LRMDA: variants seen among roughly 807,000 people sequenced by gnomAD.
LRMDA encodes leucine rich melanocyte differentiation associated.
A neutral mutation model predicts 29.8 loss-of-function variants in LRMDA; 18 were observed. That is an observed-to-expected ratio of 0.60 (90% CI 0.42 to 0.90). The LOEUF (loss-of-function observed/expected upper bound fraction) is 0.90. Among genes scored for constraint, LRMDA ranks in the 40% least tolerant of loss-of-function variants. The pLI, the probability that LRMDA is intolerant of heterozygous loss-of-function variation, is 0.00. For missense variants in LRMDA, 273 were observed against 273.9 expected, an observed-to-expected ratio of 1.00 and a Z score of 0.02; for synonymous variants, 125 against 109.4, an observed-to-expected ratio of 1.14 and a Z score of -0.89.
intron 6 of LRMDA, among the ~76,000 whole-genome samples, chr10:76,404,046 A>C (rs977555518): frequency 6.6e-6 from 1 of 152,072 alleles, no homozygotes; most frequent in Non-Finnish European, 1.5e-5. Context: ...CCCTTCACCC[A>C]ATTGCCCATG....
chr10:76,049,870 G>A (rs186778300), intron 4 of LRMDA, among the ~76,000 whole-genome samples: 150 of 152,138 alleles, frequency 9.9e-4, no homozygotes, highest in Non-Finnish European at 9.9e-4. Flanking sequence ...TTTATGTGAC[G>A]TTTTCACTAG....
chr10:76,294,824 T>C (rs931876815), intron 5 of LRMDA, among the ~76,000 whole-genome samples: 1 of 152,216 alleles, frequency 6.6e-6, no homozygotes, highest in African/African-American at 2.4e-5. Context: ...TGAGGTTTGA[T>C]ATATACCAGC....
intron 5 of LRMDA, among the ~76,000 whole-genome samples, chr10:76,290,581 G>A (rs914996103): frequency 2.6e-5 from 4 of 151,864 alleles, no homozygotes; most frequent in Admixed American, 2.0e-4. Context: ...TGCCACCACA[G>A]CTGGCTAATT....
rs144201241 is a variant in LRMDA at position 75,489,139 on chromosome 10, G to A, written c.131+50645G>A. 1.1e-3 allele frequency among the ~76,000 whole-genome samples: 165 copies of A among 149,992 alleles called. 1 individual carries two copies. In the East Asian group the frequency reaches 0.023, roughly 21 times the overall value. On this transcript the variant is annotated intron_variant, in intron 2 of 6. Coordinates refer to ENST00000611255, the MANE Select transcript of LRMDA (RefSeq NM_001305581.2). Reference sequence around the variant, plus strand: ...AGGGACCTCCTTGCTGAACCGCCTCGACCATGGAGTAAAGAGTTAGGACAT... The same window carrying A: ...AGGGACCTCCTTGCTGAACCGCCTCAACCATGGAGTAAAGAGTTAGGACAT...
At chr10:75,606,744 A>C (rs1840961245) in intron 2 of LRMDA, among the ~76,000 whole-genome samples, 1 of 152,232 alleles carries the variant, frequency 6.6e-6, no homozygotes, top group South Asian at 2.1e-4. Context: ...TGTTTGCCAC[A>C]AGCAAGAGAG....
At chr10:76,035,887 C>A in intron 2 of LRMDA, 121 bp from the exon 3 acceptor site, 2 of 984,518 alleles carry the variant, frequency 2.0e-6, no homozygotes, top group Non-Finnish European at 2.7e-6. Context: ...ACTTTGCTGA[C>A]AGGCACCAAG....
intron 5 of LRMDA, among the ~76,000 whole-genome samples, chr10:76,125,963 T>C (rs1472179387): frequency 6.6e-6 from 1 of 152,228 alleles, no homozygotes; most frequent in Non-Finnish European, 1.5e-5. Context: ...AGGGGAGTAA[T>C]AAGCCTCTGC....
chr10:75,640,239 T>C (rs2132118886), intron 2 of LRMDA, among the ~76,000 whole-genome samples: 1 of 152,324 alleles, frequency 6.6e-6, no homozygotes, highest in South Asian at 2.1e-4. Flanking sequence ...AGTCTGATTT[T>C]TTTGTTGCAT....
chr10:76,079,570 A>ATGGATACCAGAAGACCAACATC lies in LRMDA; in HGVS notation c.516+20788_516+20809dup, dbSNP rs1486459342. 3.2e-4 allele frequency among the ~76,000 whole-genome samples: 49 copies of ATGGATACCAGAAGACCAACATC among 152,326 alleles called. 1 individual carries two copies. Among genetic ancestry groups the ATGGATACCAGAAGACCAACATC allele is most frequent in the African/African-American group, 1.1e-3 (47 of 41,586 alleles). ...AAAAAGGCTTGGAGCCCCACATTAG[A>ATGGATACCAGAAGACCAACATC]TGGATACCAGAAGACCAACATCCCA... On this transcript the variant is annotated intron_variant, in intron 5 of 6. Transcript: ENST00000611255.
At chr10:76,127,156 A>G (rs74150503) in intron 5 of LRMDA, among the ~76,000 whole-genome samples, 2 of 152,216 alleles carry the variant, frequency 1.3e-5, no homozygotes, top group African/African-American at 4.8e-5. Context: ...GGCTTGTGCA[A>G]GTAGAAATAA....
rs1300738155 is a variant in LRMDA at position 76,112,133 on chromosome 10, A to T, written c.516+53350A>T. Among the ~76,000 whole-genome samples the T allele has an allele frequency of 2.0e-5, 3 of 152,174 alleles. No homozygotes were observed. The East Asian group carries it at 5.8e-4, about 29-fold the overall frequency. ...AAGCTGCATGAGCGAGCAAGGGAGC[A>T]GGAGGAGGGGCTGGCAGCCTGGAGG... On this transcript the variant is annotated intron_variant, in intron 5 of 6. Transcript: ENST00000611255.
In LRMDA at chr10:76,499,742, A is replaced by T. The variant is rs1472452300; in HGVS notation, c.602-57467A>T. Among the ~76,000 whole-genome samples, 6 of 75,178 alleles carry T rather than the reference A, an allele frequency of 8.0e-5. 2 individuals are homozygous for T. Among genetic ancestry groups the T allele is most frequent in the African/African-American group, 1.6e-4 (5 of 30,968 alleles). 49.3% of individuals were successfully genotyped at this position (75,178 alleles called of 152,430 possible). ...GTTGTACTAACATTCTTTTTCTAGCACAGGATCCAACCCAGGATCACATAT... is the reference window on the plus strand; with the variant it reads ...GTTGTACTAACATTCTTTTTCTAGCTCAGGATCCAACCCAGGATCACATAT... On this transcript the variant is annotated intron_variant, in intron 6 of 6. Transcript: ENST00000611255.
intron 5 of LRMDA, among the ~76,000 whole-genome samples, chr10:76,202,048 A>C (rs1288899008): frequency 6.6e-6 from 1 of 152,042 alleles, no homozygotes; most frequent in African/African-American, 2.4e-5. Context: ...AGTGTTGTTC[A>C]CATGGTGGCT....
chr10:75,435,254 G>A (rs1343041389), intron 1 of LRMDA, among the ~76,000 whole-genome samples: 2 of 152,160 alleles, frequency 1.3e-5, no homozygotes, highest in Non-Finnish European at 2.9e-5. Flanking sequence ...TCTCCCTTTT[G>A]CTGAAGAAGC....
chr10:76,149,633 C>T (rs78941607), intron 5 of LRMDA, among the ~76,000 whole-genome samples: 4,907 of 152,202 alleles, frequency 0.032, 106 homozygotes, highest in Non-Finnish European at 0.047. Flanking sequence ...CAGGGGTCTC[C>T]GTAGTGTGAC....
chr10:76,302,580 AGTGG>A (rs1840494971), intron 5 of LRMDA, among the ~76,000 whole-genome samples: 2 of 151,916 alleles, frequency 1.3e-5, no homozygotes, highest in Non-Finnish European at 2.9e-5. Flanking sequence ...TGATTGCTGG[AGTGG>A]ATACTCTTGT....
intron 2 of LRMDA, among the ~76,000 whole-genome samples, chr10:75,626,644 A>G (rs545851053): frequency 7.6e-4 from 115 of 152,264 alleles, no homozygotes; most frequent in African/African-American, 2.7e-3. Context: ...CCTAAAATCT[A>G]CCATTTGGCA....
At chr10:76,356,698 C>T (rs548091017) in intron 6 of LRMDA, among the ~76,000 whole-genome samples, 4 of 152,134 alleles carry the variant, frequency 2.6e-5, no homozygotes, top group African/African-American at 9.7e-5. Flanking sequence ...ATATGCATTC[C>T]TCTTCATCAT....
intron 5 of LRMDA, among the ~76,000 whole-genome samples, chr10:76,167,304 T>G (rs1049491331): frequency 1.3e-5 from 2 of 152,240 alleles, no homozygotes; most frequent in Non-Finnish European, 2.9e-5. Flanking sequence ...CAGAAGCTCT[T>G]TAGTTTAATT....
Sources: allele counts gnomAD v4.1 joint callset (sites outside exome capture counted in the v4.1 genomes callset), GRCh38; gene constraint gnomAD v4.1.1; transcripts MANE v1.5; gene names NCBI Gene and HGNC (gene_info 2026-07-23, HGNC 2026-07-21).